The following CFAP53 variants were observed in gnomAD, a reference collection of about 807,000 sequenced individuals.
The protein encoded by CFAP53 is cilia- and flagella-associated protein 53.
In CFAP53, 62 loss-of-function variants were observed where a neutral mutation model predicts 59.7. The ratio of observed to expected loss-of-function variants is 1.04; its 90% CI spans 0.85 to 1.28. The LOEUF is 1.28. CFAP53 is among the 50% of genes most tolerant of loss of function. CFAP53 has a pLI of 0.00. For missense variants in CFAP53, 629 were observed against 615.6 expected, an observed-to-expected ratio of 1.02 and a Z score of -0.23; for synonymous variants, 218 against 205.7, an observed-to-expected ratio of 1.06 and a Z score of -0.51.
intron 7 of CFAP53, among the ~76,000 whole-genome samples, chr18:50,234,555 A>G (rs548768125): frequency 6.6e-6 from 1 of 152,216 alleles, no homozygotes; most frequent in South Asian, 2.1e-4. Flanking sequence ...CCTGGTTACA[A>G]GGTCCCTCCT....
rs2033793752 is a variant in CFAP53 at position 50,250,990 on chromosome 18, A to G, written c.778-14T>C. On this transcript the variant is annotated splice_polypyrimidine_tract_variant and intron_variant, in intron 4 of 7. Transcript: ENST00000398545. Reference sequence around the variant, plus strand: ...GTTGTTACTTTCCTAAGGTAGAATCATAATAAAGATAATGCATCAGTACAG... The same window carrying G: ...GTTGTTACTTTCCTAAGGTAGAATCGTAATAAAGATAATGCATCAGTACAG... 6.3e-7 allele frequency: 1 copy of G among 1,591,630 alleles called. No individual in the cohort carries two copies. Among genetic ancestry groups the G allele is most frequent in the East Asian group, 2.2e-5 (1 of 44,788 alleles).
rs557784999 is a variant in CFAP53 at position 50,262,312 on chromosome 18, A to G, written c.70-93T>C. 7.6e-5 allele frequency: 80 copies of G among 1,048,894 alleles called. No individual in the cohort carries two copies. The African/African-American group carries it at 1.2e-3, about 15-fold the overall frequency. The allele number at this position is 1,048,894 out of a possible 1,614,324, so 65.0% of individuals were successfully genotyped here. A position where few individuals can be genotyped will look rare whatever the true frequency, so the allele number is the denominator to read the frequency against. ...TGCTCTCAATCAATACTCATACTAAATAAAATTGGGTATAAAAAACTAATA... is the reference window on the plus strand; with the variant it reads ...TGCTCTCAATCAATACTCATACTAAGTAAAATTGGGTATAAAAAACTAATA... On this transcript the variant is annotated intron_variant, in intron 1 of 7. Coordinates refer to ENST00000398545, the MANE Select transcript of CFAP53 (RefSeq NM_145020.5).
At chr18:50,262,356 T>C in intron 1 of CFAP53, 137 bp from the exon 2 acceptor site, 2 of 653,538 alleles carry the variant, frequency 3.1e-6, no homozygotes, top group East Asian at 2.7e-5. Context: ...TACAACTGAA[T>C]ACAGCTTATG....
chr18:50,245,108 C>T (rs902250264), intron 5 of CFAP53, among the ~76,000 whole-genome samples: 14 of 150,084 alleles, frequency 9.3e-5, no homozygotes, highest in African/African-American at 3.2e-4. Context: ...TAAGGCTGGG[C>T]GCGGTGGCTC....
intron 3 of CFAP53, among the ~76,000 whole-genome samples, chr18:50,258,753 A>G (rs575081337): frequency 1.8e-4 from 28 of 152,352 alleles, no homozygotes; most frequent in Non-Finnish European, 2.8e-4. Context: ...AAACAACTCC[A>G]TAAGAAAAAA....
chr18:50,234,632 C>T (rs1052737217), intron 7 of CFAP53, among the ~76,000 whole-genome samples: 2 of 152,090 alleles, frequency 1.3e-5, no homozygotes, highest in Non-Finnish European at 2.9e-5. Context: ...CCAGCCTTGC[C>T]TATTAAATGG....
chr18:50,242,367 T>C (rs942106765), intron 6 of CFAP53, among the ~76,000 whole-genome samples: 2 of 152,194 alleles, frequency 1.3e-5, no homozygotes, highest in South Asian at 4.1e-4. Flanking sequence ...TTTTGAGAAC[T>C]AATAAATGTC....
intron 7 of CFAP53, among the ~76,000 whole-genome samples, chr18:50,229,736 T>C (rs1184804100): frequency 8.2e-5 from 1 of 12,242 alleles, no homozygotes; most frequent in African/African-American, 1.7e-4. Flanking sequence ...CTTTTTTTCT[T>C]TTTCTTTTTT....
Position 50,227,224 on chromosome 18 carries a change from A to G in CFAP53, c.*157T>C. 1.6e-6 allele frequency: 1 copy of G among 606,978 alleles called. No homozygotes were observed. The highest frequency in any genetic ancestry group is 3.0e-5 in the Admixed American group (1 of 33,220). The allele number at this position is 606,978 out of a possible 1,614,324, so 37.6% of individuals were successfully genotyped here. On this transcript the variant is annotated 3_prime_UTR_variant, in exon 8 of 8. Transcript: ENST00000398545. Reference sequence around the variant, plus strand: ...TTTGTAAGTCTGTGAACTCCAAAATAGGCACAGGTTTATTCAAAGGAAGAA... The same window carrying G: ...TTTGTAAGTCTGTGAACTCCAAAATGGGCACAGGTTTATTCAAAGGAAGAA...
intron 7 of CFAP53, among the ~76,000 whole-genome samples, chr18:50,235,595 T>A (rs555052905): frequency 6.6e-6 from 1 of 152,286 alleles, no homozygotes; most frequent in African/African-American, 2.4e-5. Context: ...AAGATTCATA[T>A]TACTTTATCT....
At chr18:50,256,235 T>C (rs1289522138) in intron 3 of CFAP53, 2 of 152,208 alleles carry the variant, frequency 1.3e-5, no homozygotes, top group African/African-American at 4.8e-5. Context: ...GTAGAAAATA[T>C]ATGAATGGTC....
At chr18:50,230,628 G>A (rs2033573817) in intron 7 of CFAP53, among the ~76,000 whole-genome samples, 2 of 152,192 alleles carry the variant, frequency 1.3e-5, no homozygotes, top group African/African-American at 4.8e-5. Flanking sequence ...ATAGCTGGTT[G>A]ATCAGAAGGT....
chr18:50,255,072 C>G (rs1436897789), intron 3 of CFAP53, among the ~76,000 whole-genome samples: 2 of 152,146 alleles, frequency 1.3e-5, no homozygotes, highest in Non-Finnish European at 2.9e-5. Flanking sequence ...TTTAACCAAA[C>G]TGAGGTACAT....
intron 3 of CFAP53, among the ~76,000 whole-genome samples, chr18:50,252,126 C>A (rs2033807363): frequency 6.6e-6 from 1 of 150,668 alleles, no homozygotes; most frequent in African/African-American, 2.4e-5. Context: ...TTTTTTGAGA[C>A]AGAGTCTCGC....
At chr18:50,236,811 G>A (rs535790894) in intron 7 of CFAP53, among the ~76,000 whole-genome samples, 3 of 152,296 alleles carry the variant, frequency 2.0e-5, no homozygotes, top group South Asian at 2.1e-4. Flanking sequence ...TAGGTGAGCC[G>A]TGTTGACCCA....
intron 2 of CFAP53, among the ~76,000 whole-genome samples, chr18:50,261,677 C>A (rs1228706099): frequency 6.6e-6 from 1 of 152,090 alleles, no homozygotes; most frequent in African/African-American, 2.4e-5. Context: ...TAGGTATGAC[C>A]CACTAAGCCC....
intron 3 of CFAP53, among the ~76,000 whole-genome samples, chr18:50,255,592 G>T (rs1177079081): frequency 6.6e-6 from 1 of 151,406 alleles, no homozygotes; most frequent in East Asian, 1.9e-4. Context: ...AAAACCACTG[G>T]TAATTTTTTC....
rs551797285 is a variant in CFAP53, at chr18:50,256,709, C to T, written c.473+4355G>A. 2.0e-5 allele frequency among the ~76,000 whole-genome samples: 3 copies of T among 152,086 alleles called. No individual in the cohort carries two copies. In the South Asian group the frequency reaches 6.2e-4, roughly 32 times the overall value. On this transcript the variant is annotated intron_variant, in intron 3 of 7. Transcript: ENST00000398545. ...CATATTATTAATAGCGAATTCATGA[C>T]AGAAAGAGCAGATGGAAGAAGCTTT... is the stretch of plus-strand genomic sequence containing the variant.
intron 7 of CFAP53, among the ~76,000 whole-genome samples, chr18:50,236,332 G>A (rs765620744): frequency 2.0e-5 from 3 of 152,090 alleles, no homozygotes; most frequent in Non-Finnish European, 4.4e-5. Flanking sequence ...CAACTGTCTT[G>A]GTAAATTCTT....
Sources: allele counts gnomAD v4.1 joint callset (sites outside exome capture counted in the v4.1 genomes callset), GRCh38; gene constraint gnomAD v4.1.1; transcripts MANE v1.5; gene names NCBI Gene and HGNC (gene_info 2026-07-23, HGNC 2026-07-21).